The following PRPF6 variants were observed in gnomAD, a reference collection of about 807,000 sequenced individuals.
PRPF6 encodes pre-mRNA-processing factor 6.
Under a neutral mutation model 118.3 loss-of-function variants are expected in PRPF6, and 42 were observed. That is an observed-to-expected ratio of 0.35 (90% confidence interval 0.28 to 0.46). PRPF6 has a LOEUF of 0.46. Ranked by LOEUF, PRPF6 falls within the 20% of genes least tolerant of loss-of-function variation. The pLI, the probability that PRPF6 is intolerant of heterozygous loss-of-function variation, is 1.00. For synonymous variants in PRPF6, 481 were observed against 485.1 expected (o/e 0.99, Z 0.11); for missense variants, 662 against 1,255.7 (o/e 0.53, Z 7.15).
chr20:63,993,733 C>T (rs1601513089), intron 4 of PRPF6, among the ~76,000 whole-genome samples: 1 of 151,494 alleles, frequency 6.6e-6, no homozygotes, highest in Non-Finnish European at 1.5e-5. Context: ...CCATTTATAC[C>T]TAAGATTTTC....
intron 9 of PRPF6, among the ~76,000 whole-genome samples, chr20:64,007,302 G>C (rs2059194418): frequency 6.6e-6 from 1 of 152,150 alleles, no homozygotes; most frequent in Admixed American, 6.5e-5. Context: ...CTCACAGCCA[G>C]CCTGGGGCTG....
chr20:64,027,615 C>T lies in PRPF6; in HGVS notation c.2218C>T (p.Pro740Ser). The T allele has an allele frequency of 6.2e-7, 1 of 1,614,132 alleles. No homozygotes were observed. The highest frequency in any genetic ancestry group is 8.5e-7 in the Non-Finnish European group (1 of 1,180,034). The change falls in exon 17 of 21, where the codon CCC becomes TCC. Residue 740 changes from proline to serine, a missense_variant. Pro to Ser is a moderately conservative substitution (Grantham distance 74, BLOSUM62 -1). This residue lies in a region of PRPF6 where 244 missense variants were observed against 383.7 expected (regional missense o/e 0.64). Transcript: ENST00000266079. This position sits in a 1 kb window ranked among gnomAD's most constrained non-coding sequence, Gnocchi z 6.5. The stretch of plus-strand genomic sequence containing the variant: ...TTGTTGGTTGCAGTTGAAGAAGTGT[C>T]CCCACTCCACACCCCTGTGGCTTTT... ...EAYNQGLKKC[P>S]HSTPLWLLLS...
intron 4 of PRPF6, among the ~76,000 whole-genome samples, chr20:63,994,436 G>A (rs901610981): frequency 6.0e-4 from 92 of 152,312 alleles, no homozygotes; most frequent in African/African-American, 2.1e-3. Flanking sequence ...GGATTAACAG[G>A]CATGAGCCAC....
At chr20:63,982,871 T>A (rs530119748) in intron 1 of PRPF6, among the ~76,000 whole-genome samples, 176 bp from the exon 2 acceptor site, 1 of 152,056 alleles carries the variant, frequency 6.6e-6, no homozygotes, top group Non-Finnish European at 1.5e-5. Context: ...GGCTGAAACT[T>A]TCAGGTAAGC....
chr20:64,029,249 C>A lies in PRPF6; in HGVS notation c.2432-128C>A. ...CTTTGTGGTTCTCCTTGCACAAGTT[C>A]TGCGAGCCGTGTGTGGGAGGCCCCT... On this transcript the variant is annotated intron_variant, in intron 18 of 20. Transcript: ENST00000266079. This position sits in a 1 kb window ranked among gnomAD's most constrained non-coding sequence, Gnocchi z 4.8. The A allele has an allele frequency of 1.2e-6, 1 of 806,744 alleles. No homozygotes were observed. Among genetic ancestry groups the A allele is most frequent in the South Asian group, 1.4e-5 (1 of 71,972 alleles). The allele number at this position is 806,744 out of a possible 1,614,324, so 50.0% of individuals were successfully genotyped here.
rs1025795416 is a variant in PRPF6, at chr20:64,028,732, A to G, written c.2431+163A>G. Among the ~76,000 whole-genome samples the G allele has an allele frequency of 6.6e-5, 10 of 152,156 alleles. No individual in the cohort carries two copies. Among genetic ancestry groups the G allele is most frequent in the Admixed American group, 6.5e-4 (10 of 15,276 alleles). ...TCAGACGGACTTTATTAAAATGTGT[A>G]GTTTGTGTGAATCATTTCAGTCAAA... On this transcript the variant is annotated intron_variant, in intron 18 of 20. Coordinates refer to ENST00000266079, the MANE Select transcript of PRPF6 (RefSeq NM_012469.4). The surrounding 1 kb of genome is among the most constrained non-coding windows in gnomAD (Gnocchi z 6.5).
In PRPF6 at chr20:64,027,569, C is replaced by G. The variant is rs1395604483; in HGVS notation, c.2206-34C>G. Reference sequence around the variant, plus strand: ...GCTGTGTCCCAGTTCTTCATAGACACCACCTGAGCTGCTCTCTTACTTGTT... The same window carrying G: ...GCTGTGTCCCAGTTCTTCATAGACAGCACCTGAGCTGCTCTCTTACTTGTT... On this transcript the variant is annotated intron_variant, in intron 16 of 20. Transcript: ENST00000266079. This position sits in a 1 kb window ranked among gnomAD's most constrained non-coding sequence, Gnocchi z 6.5. 6.2e-7 allele frequency: 1 copy of G among 1,612,448 alleles called. No homozygotes were observed. The highest frequency in any genetic ancestry group is 8.5e-7 in the Non-Finnish European group (1 of 1,178,508).
chr20:63,987,231 A>G (rs1027757242), intron 3 of PRPF6, among the ~76,000 whole-genome samples: 1 of 146,608 alleles, frequency 6.8e-6, no homozygotes, highest in Non-Finnish European at 1.5e-5. Context: ...ATACAGCTGG[A>G]TGGGGTGGTT....
At position 64,011,495 on chromosome 20, in the gene PRPF6, T is replaced by C; in HGVS notation, c.1516T>C (p.Trp506Arg). The C allele has an allele frequency of 6.2e-7, 1 of 1,612,738 alleles. No homozygotes were observed. The change falls in exon 11 of 21, where the codon TGG becomes CGG. Residue 506 changes from tryptophan to arginine, a missense_variant. By Grantham distance (101) the Trp-to-Arg change is moderately radical. Transcript: ENST00000266079. This position sits in a 1 kb window ranked among gnomAD's most constrained non-coding sequence, Gnocchi z 6.7. ...ANGVEINREQ[W>R]IQDAEECDRA... ...CGGTGTGGAGATCAACCGTGAGCAGTGGATCCAGGTGGGCCGCAGGCGGGT... is the reference window on the plus strand; with the variant it reads ...CGGTGTGGAGATCAACCGTGAGCAGCGGATCCAGGTGGGCCGCAGGCGGGT...
intron 3 of PRPF6, among the ~76,000 whole-genome samples, chr20:63,990,205 C>T (rs1034987148): frequency 5.3e-5 from 8 of 152,178 alleles, no homozygotes; most frequent in Admixed American, 1.3e-4. Context: ...CTTGCTGCCT[C>T]GAGGACAGCA....
intron 19 of PRPF6, among the ~76,000 whole-genome samples, chr20:64,030,856 C>A (rs1225529106): frequency 6.6e-6 from 1 of 152,220 alleles, no homozygotes; most frequent in Non-Finnish European, 1.5e-5. Flanking sequence ...CTGAGACGAA[C>A]CCGAACAGCT....
Position 63,981,165 on chromosome 20 carries a change from G to A in PRPF6, c.-81G>A. ...CACTTTGCTACGGAGTGCATCGGAC[G>A]TCGAAGCCTAGAGTCTCTGCGTCTT... On this transcript the variant is annotated 5_prime_UTR_variant, in exon 1 of 21. Coordinates refer to ENST00000266079, the MANE Select transcript of PRPF6 (RefSeq NM_012469.4). The A allele has an allele frequency of 1.4e-6, 2 of 1,448,282 alleles. No homozygotes were observed. The allele number at this position is 1,448,282 out of a possible 1,614,324, so 89.7% of individuals were successfully genotyped here.
intron 3 of PRPF6, among the ~76,000 whole-genome samples, chr20:63,985,726 C>T (rs1372116523): frequency 6.6e-6 from 1 of 152,144 alleles, no homozygotes; most frequent in African/African-American, 2.4e-5. Flanking sequence ...CAAACCTGAA[C>T]AGACCAATAA....
In PRPF6 at chr20:64,007,344, G is replaced by A. The variant is rs891800479; in HGVS notation, c.1187-2856G>A. 2.2e-4 allele frequency among the ~76,000 whole-genome samples: 33 copies of A among 152,032 alleles called. 1 individual carries two copies. The Middle Eastern group carries it at 0.01, about 47-fold the overall frequency. On this transcript the variant is annotated intron_variant, in intron 9 of 20. Transcript: ENST00000266079. ...AGCAGGAGAGCAGGTACCTGCAGGA[G>A]AGCTAGCTCACTTGCCCTCTCCCCT... is the stretch of plus-strand genomic sequence containing the variant.
intron 11 of PRPF6, among the ~76,000 whole-genome samples, chr20:64,016,183 G>T (rs570465392): frequency 6.6e-6 from 1 of 151,450 alleles, no homozygotes; most frequent in South Asian, 2.1e-4. Context: ...GTGGAGTGGC[G>T]TGATCTTGGC....
chr20:64,021,613 G>C (rs1396549421), intron 12 of PRPF6, among the ~76,000 whole-genome samples: 1 of 145,174 alleles, frequency 6.9e-6, no homozygotes, highest in African/African-American at 2.6e-5. Flanking sequence ...CCCCATGTCT[G>C]TGTGTGCGTG....
chr20:64,024,935 T>A (rs1241134518), intron 14 of PRPF6, among the ~76,000 whole-genome samples: 1 of 152,044 alleles, frequency 6.6e-6, no homozygotes, highest in Non-Finnish European at 1.5e-5. Context: ...GGTAAATGTT[T>A]CAGAACATGG....
At chr20:64,013,293 G>C (rs571158869) in intron 11 of PRPF6, among the ~76,000 whole-genome samples, 1 of 152,332 alleles carries the variant, frequency 6.6e-6, no homozygotes, top group East Asian at 1.9e-4. Context: ...AACTTAGGAA[G>C]TAGGGCTTGG....
Position 64,016,363 on chromosome 20 carries a change from G to A in PRPF6, c.1525-360G>A, listed in dbSNP as rs2059238365. Among the ~76,000 whole-genome samples, 3 of 151,958 alleles carry A rather than the reference G, an allele frequency of 2.0e-5. No individual in the cohort carries two copies. In the South Asian group the frequency reaches 6.2e-4, roughly 32 times the overall value. On this transcript the variant is annotated intron_variant, in intron 11 of 20. Transcript: ENST00000266079. ...AGGCTGGTCTCGAACTCCTGACCAC[G>A]TGATCCACCCTCGACCTCCCAAAGT...
Sources: gnomAD v4.1 joint callset for allele counts (sites outside exome capture counted in the v4.1 genomes callset) on GRCh38, gnomAD v4.1.1 for gene constraint, gnomAD v4.1.1 regional missense constraint, Gnocchi (gnomAD v3.1) non-coding constraint, MANE v1.5 for transcripts, NCBI Gene and HGNC (gene_info 2026-07-23, HGNC 2026-07-21) for gene names.